The following CCDC77 variants were observed in gnomAD, a reference collection of about 807,000 sequenced individuals.
CCDC77 encodes the protein coiled-coil domain containing 77, also known as coiled-coil domain-containing protein 77.
CCDC77 carries 56 observed loss-of-function variants against 66.8 expected under a neutral mutation model. That is an observed-to-expected ratio of 0.84 (90% CI 0.68 to 1.05). The LOEUF (loss-of-function observed/expected upper bound fraction) is 1.05, where lower values mean the gene tolerates loss of function less well. Ranked by LOEUF, CCDC77 falls within the 50% of genes least tolerant of loss-of-function variation. CCDC77 has a pLI of 0.00. For missense variants in CCDC77, 570 were observed against 576.8 expected (o/e 0.99, Z 0.12); for synonymous variants, 196 against 195.2 (o/e 1.00, Z -0.03).
rs983706014 is a variant in CCDC77, at chr12:441,752, T to G, written c.1321-22T>G. ...CATATGCCATCATCATTTCTTTTTT[T>G]TTTTTTTTTTCAAACCCCTAGGCAA... On this transcript the variant is annotated intron_variant, in intron 12 of 12. Transcript: ENST00000239830. The G allele has an allele frequency of 4.4e-6, 7 of 1,582,874 alleles. No individual in the cohort carries two copies. In the Admixed American group the frequency reaches 5.7e-5, roughly 13 times the overall value.
At chr12:431,835 T>G in intron 7 of CCDC77, 31 bp from the exon 8 acceptor site, 1 of 1,441,098 alleles carries the variant, frequency 6.9e-7, no homozygotes, top group Non-Finnish European at 9.7e-7. Context: ...CTGAGTAAAA[T>G]CTTCTTGATG....
intron 1 of CCDC77, among the ~76,000 whole-genome samples, chr12:393,689 A>G (rs1455654432): frequency 6.6e-6 from 1 of 151,624 alleles, no homozygotes; most frequent in African/African-American, 2.4e-5. Context: ...CCACCACCAC[A>G]CTCAGCTAAT....
intron 4 of CCDC77, among the ~76,000 whole-genome samples, chr12:416,413 ATATT>A: frequency 4.5e-5 from 2 of 44,474 alleles, no homozygotes; most frequent in African/African-American, 7.5e-5. Context: ...ATATATATAT[ATATT>A]TCTTTTTTTT....
chr12:409,662 A>G lies in CCDC77; in HGVS notation c.38+241A>G. On this transcript the variant is annotated intron_variant, in intron 3 of 12. Coordinates refer to ENST00000239830, the MANE Select transcript of CCDC77 (RefSeq NM_032358.4). ...CTCCCAGAGTGCTGTGATTACAGGC[A>G]TAAGCCACTGTGCCCAGCCTGAGAC... 3.5e-5 allele frequency: 17 copies of G among 489,284 alleles called. 1 individual carries two copies. Among genetic ancestry groups the G allele is most frequent in the South Asian group, 3.3e-4 (13 of 39,102 alleles). 30.3% of individuals were successfully genotyped at this position (489,284 alleles called of 1,614,324 possible).
chr12:426,923 C>T (rs1352643133), intron 5 of CCDC77, among the ~76,000 whole-genome samples: 1 of 152,098 alleles, frequency 6.6e-6, no homozygotes, highest in Non-Finnish European at 1.5e-5. Flanking sequence ...AGGGTCTTAC[C>T]TTCTAGGAGT....
chr12:422,910 G>T (rs912824613), intron 5 of CCDC77, among the ~76,000 whole-genome samples: 2 of 152,014 alleles, frequency 1.3e-5, no homozygotes, highest in Non-Finnish European at 2.9e-5. Flanking sequence ...TACTGTGCCC[G>T]GCTGAGACCT....
intron 4 of CCDC77, among the ~76,000 whole-genome samples, chr12:413,624 G>A (rs914622982): frequency 1.4e-5 from 2 of 147,548 alleles, no homozygotes; most frequent in African/African-American, 5.1e-5. Flanking sequence ...TCACTGAATG[G>A]GATTTTTTTT....
At position 438,512 on chromosome 12, in the gene CCDC77, C is replaced by G; in HGVS notation, c.999C>G (p.Pro333=). The G allele has an allele frequency of 6.2e-7, 1 of 1,613,742 alleles. No homozygotes were observed. Among genetic ancestry groups the G allele is most frequent in the Non-Finnish European group, 8.5e-7 (1 of 1,179,770 alleles). The part of the protein sequence containing the change: ...KKEDKIGKVL[P]VMHESHHAQS... The stretch of plus-strand genomic sequence containing the variant: ...AAGATAAAATTGGAAAAGTGTTGCC[C>G]GTTATGCATGAGAGTCACCATGCTC... The change falls in exon 10 of 13, where the codon CCC becomes CCG. Residue 333 remains proline, a synonymous_variant. Transcript: ENST00000239830.
chr12:391,948 G>C (rs569511915), intron 1 of CCDC77, among the ~76,000 whole-genome samples: 9 of 152,218 alleles, frequency 5.9e-5, no homozygotes, highest in Admixed American at 2.0e-4. Flanking sequence ...CTTCCCTCAG[G>C]GGGGGCACAT....
intron 3 of CCDC77, among the ~76,000 whole-genome samples, chr12:411,318 C>T (rs539396635): frequency 7.2e-5 from 11 of 151,876 alleles, no homozygotes; most frequent in African/African-American, 1.4e-4. Flanking sequence ...GAACTACAGG[C>T]GTGCACTGCC....
At chr12:412,977 C>T (rs1017811028) in intron 4 of CCDC77, among the ~76,000 whole-genome samples, 2 of 151,794 alleles carry the variant, frequency 1.3e-5, no homozygotes, top group African/African-American at 4.8e-5. Flanking sequence ...CTCGCTCTGT[C>T]GCCCAGGCTG....
At chr12:441,115 C>G (rs1480817959) in intron 12 of CCDC77, 119 bp downstream of exon 12, 4 of 1,033,540 alleles carry the variant, frequency 3.9e-6, no homozygotes, top group Non-Finnish European at 5.7e-6. Flanking sequence ...ACTAACAGAT[C>G]ACCATCTTCA....
chr12:431,666 A>G (rs191897783), intron 7 of CCDC77, among the ~76,000 whole-genome samples, 200 bp from the exon 8 acceptor site: 2 of 152,356 alleles, frequency 1.3e-5, no homozygotes, highest in South Asian at 2.1e-4. Context: ...GTTCCCTTAT[A>G]GAGATTCCTA....
intron 5 of CCDC77, among the ~76,000 whole-genome samples, chr12:424,916 T>C (rs1945499080): frequency 6.7e-6 from 1 of 150,184 alleles, no homozygotes; most frequent in Non-Finnish European, 1.5e-5. Flanking sequence ...ACATGGTTTC[T>C]TTCTTTTTTT....
chr12:398,565 A>G (rs961007195), upstream of CCDC77, among the ~76,000 whole-genome samples: 15 of 150,958 alleles, frequency 9.9e-5, no homozygotes, highest in Non-Finnish European at 2.1e-4. Context: ...TCAGCCTCCC[A>G]AGGCTCCACT....
At chr12:415,345 TA>T (rs1945212315) in intron 4 of CCDC77, among the ~76,000 whole-genome samples, 1 of 99,100 alleles carries the variant, frequency 1.0e-5, no homozygotes, top group African/African-American at 3.8e-5. Flanking sequence ...TATGTTAATA[TA>T]ATCAACATAA....
Position 431,955 on chromosome 12 carries a change from G to A in CCDC77, c.672+1G>A, listed in dbSNP as rs1349922464. 1 of 1,597,384 alleles carries A rather than the reference G, an allele frequency of 6.3e-7. No individual in the cohort carries two copies. Among genetic ancestry groups the A allele is most frequent in the East Asian group, 2.2e-5 (1 of 44,726 alleles). ...AGACATACAGACACTCATCCTACAGGTAAAGAATGTATTTTGGCAGACCAA... is the reference window on the plus strand; with the variant it reads ...AGACATACAGACACTCATCCTACAGATAAAGAATGTATTTTGGCAGACCAA... On this transcript the variant is annotated splice_donor_variant, in intron 8 of 12. Coordinates refer to ENST00000239830, the MANE Select transcript of CCDC77 (RefSeq NM_032358.4). LOFTEE classifies it high-confidence loss of function.
intron 6 of CCDC77, 58 bp from the exon 7 acceptor site, chr12:430,606 A>C: frequency 2.3e-6 from 3 of 1,297,380 alleles, no homozygotes; most frequent in Non-Finnish European, 3.4e-6. Context: ...CTAAGGCTGA[A>C]AAGTAAAATA....
chr12:394,559 A>G lies in CCDC77; in HGVS notation c.-113+5073A>G, dbSNP rs116952619. Among the ~76,000 whole-genome samples the G allele has an allele frequency of 9.8e-5, 15 of 152,366 alleles. No homozygotes were observed. In the East Asian group the frequency reaches 1.9e-3, roughly 20 times the overall value. On this transcript the variant is annotated intron_variant, in intron 1 of 11. Coordinates refer to the CCDC77 transcript ENST00000422000. ...TAGCATCTTAGTATTACCACGGTCA[A>G]TGCTGCTCTTGTTTAGGCCCTTTCT...
Sources: allele counts gnomAD v4.1 joint callset (sites outside exome capture counted in the v4.1 genomes callset), GRCh38; gene constraint gnomAD v4.1.1; transcripts MANE v1.5; gene names NCBI Gene and HGNC (gene_info 2026-07-23, HGNC 2026-07-21).